Variants in KRT35 observed in about 807,000 individuals in gnomAD.
The protein encoded by KRT35 is keratin 35, also known as keratin, type I cuticular Ha5.
In KRT35, 33 loss-of-function variants were observed where a neutral mutation model predicts 42.2. The observed-to-expected ratio is 0.78, with a 90% CI of 0.59 to 1.05. The LOEUF is 1.05. KRT35 is among the 50% of genes least tolerant of loss of function. The pLI, the probability that KRT35 is intolerant of heterozygous loss-of-function variation, is 0.00. For synonymous variants in KRT35, 218 were observed against 238.2 expected (o/e 0.92, Z 0.78); for missense variants, 585 against 589.2 (o/e 0.99, Z 0.07).
chr17:41,478,274 G>A (rs756208470), intron 5 of KRT35, 87 bp downstream of exon 5: 8 of 1,470,378 alleles, frequency 5.4e-6, no homozygotes, highest in South Asian at 2.5e-5. Context: ...CCTGGAGTCC[G>A]CCTGTGTGGT....
intron 6 of KRT35, 106 bp downstream of exon 6, chr17:41,477,412 C>T (rs998093960): frequency 6.8e-7 from 1 of 1,481,094 alleles, no homozygotes; most frequent in African/African-American, 1.4e-5. Flanking sequence ...ACTAAGAGAA[C>T]AGAACTCCAG....
In KRT35 at chr17:41,476,751, C is replaced by T. The variant is rs1034043397; in HGVS notation, c.*305G>A. 5.5e-5 allele frequency: 16 copies of T among 289,298 alleles called. No homozygotes were observed. Among genetic ancestry groups the T allele is most frequent in the African/African-American group, 3.3e-4 (15 of 45,718 alleles). 17.9% of individuals were successfully genotyped at this position (289,298 alleles called of 1,614,324 possible). A position where few individuals can be genotyped will look rare whatever the true frequency, so the allele number is the denominator to read the frequency against. On this transcript the variant is annotated 3_prime_UTR_variant, in exon 7 of 7. Coordinates refer to ENST00000246639, the MANE Select transcript of KRT35 (RefSeq NM_002280.6). ...CTTTATTGTTCTGCCAACAAAAGCCCTCTACTGCATTTCAGAATCCACCGG... is the reference window on the plus strand; with the variant it reads ...CTTTATTGTTCTGCCAACAAAAGCCTTCTACTGCATTTCAGAATCCACCGG...
chr17:41,478,305 G>C, intron 5 of KRT35, 56 bp downstream of exon 5: 1 of 1,584,806 alleles, frequency 6.3e-7, no homozygotes, highest in Admixed American at 1.7e-5. Context: ...AAGCTGGGGA[G>C]CTTGTGTGCT....
Position 41,478,982 on chromosome 17 carries a change from A to G in KRT35, c.725T>C (p.Leu242Pro). 1 of 1,613,288 alleles carries G rather than the reference A, an allele frequency of 6.2e-7. No individual in the cohort carries two copies. Among genetic ancestry groups the G allele is most frequent in the Non-Finnish European group, 8.5e-7 (1 of 1,179,518 alleles). Residue 242 changes from leucine to proline, a missense_variant, in exon 4 of 7, where the codon CTG becomes CCG. By Grantham distance (98) the Leu-to-Pro change is moderately conservative. Transcript: ENST00000246639. Reference protein sequence around the residue: ...KKNHEEEVNSLRCQLGDRLNV... With the variant: ...KKNHEEEVNSPRCQLGDRLNV... ...GAGGCGGTCACCAAGTTGGCAGCGC[A>G]GTGAGTTCACTTCCTATAGCACAGA...
In KRT35 at chr17:41,477,121, T is replaced by A. The variant is rs1275596431; in HGVS notation, c.1303A>T (p.Ser435Cys). The A allele has an allele frequency of 6.2e-7, 1 of 1,612,056 alleles. No individual in the cohort carries two copies. Among genetic ancestry groups the A allele is most frequent in the Non-Finnish European group, 8.5e-7 (1 of 1,179,176 alleles). ...PCLPAASCGP[S>C]AARTNCSPRP... ...GGGCTGCAGTTTGTGCGGGCTGCACTAGGACCGCAGGAGGCCGCAGGAAGA... is the reference window on the plus strand; with the variant it reads ...GGGCTGCAGTTTGTGCGGGCTGCACAAGGACCGCAGGAGGCCGCAGGAAGA... The change falls in exon 7 of 7, where the codon AGT becomes TGT. Residue 435 changes from serine to cysteine, a missense_variant. By Grantham distance (112) the Ser-to-Cys change is moderately radical. Coordinates refer to ENST00000246639, the MANE Select transcript of KRT35 (RefSeq NM_002280.6).
rs1166235928 is a variant in KRT35 at position 41,478,385 on chromosome 17, A to G, written c.975T>C (p.Ile325=). 6.2e-7 allele frequency: 1 copy of G among 1,613,764 alleles called. No individual in the cohort carries two copies. The highest frequency in any genetic ancestry group is 1.1e-5 in the South Asian group (1 of 91,062). Residue 325 remains isoleucine (I), a synonymous_variant, in exon 5 of 7, where the codon ATT becomes ATC. Transcript: ENST00000246639. ...CCATGCTGTGCTGAGCCTGCAGCTC[A>G]ATCTCCAGGGCGTTGACCGTGCGTC... ...ELRRTVNALE[I]ELQAQHSMRD...
chr17:41,478,774 G>T (rs1431046893), intron 4 of KRT35, 60 bp downstream of exon 4: 3 of 1,505,156 alleles, frequency 2.0e-6, no homozygotes, highest in Non-Finnish European at 2.7e-6. Context: ...AGAGCCCCAG[G>T]GTCACTTCCA....
chr17:41,481,113 G>T lies in KRT35; in HGVS notation c.-16C>A. On this transcript the variant is annotated 5_prime_UTR_variant, in exon 1 of 7. It adds an upstream start codon to the 5' untranslated region. Transcript: ENST00000246639. The stretch of plus-strand genomic sequence containing the variant: ...TGGAAGCCATGGCCCCTGCAACTCA[G>T]ATGCAATTGATAGGTCTCTGAGGCC... 1 of 1,567,474 alleles carries T rather than the reference G, an allele frequency of 6.4e-7. No homozygotes were observed. Among genetic ancestry groups the T allele is most frequent in the Non-Finnish European group, 8.7e-7 (1 of 1,153,158 alleles).
Position 41,478,819 on chromosome 17 carries a change from T to A in KRT35, c.873+15A>T. The A allele has an allele frequency of 6.2e-7, 1 of 1,608,920 alleles. No homozygotes were observed. The highest frequency in any genetic ancestry group is 1.7e-4 in the Middle Eastern group (1 of 6,030). ...CCACATACCCCTGTTGCACTGACTG[T>A]TTCCAGGTACCTACCTGGGTGTCCA... On this transcript the variant is annotated intron_variant, in intron 4 of 6. Transcript: ENST00000246639.
At position 41,478,882 on chromosome 17, in the gene KRT35, G is replaced by C; in HGVS notation, c.825C>G (p.Thr275=). Reference sequence around the variant, plus strand: ...CATCCCGGCGGTTATTCTCCACCAGGGTTTCATACTGGCACCTCATCTCCT... The same window carrying C: ...CATCCCGGCGGTTATTCTCCACCAGCGTTTCATACTGGCACCTCATCTCCT... ...VLEEMRCQYE[T]LVENNRRDAE... The change falls in exon 4 of 7, where the codon ACC becomes ACG. Residue 275 remains threonine, a synonymous_variant. Transcript: ENST00000246639. 3 of 1,613,910 alleles carry C rather than the reference G, an allele frequency of 1.9e-6. No homozygotes were observed. Among genetic ancestry groups the C allele is most frequent in the Non-Finnish European group, 2.5e-6 (3 of 1,179,928 alleles).
chr17:41,479,131 C>G, intron 3 of KRT35, 136 bp from the exon 4 acceptor site: 1 of 992,050 alleles, frequency 1.0e-6, no homozygotes, highest in East Asian at 2.6e-5. Flanking sequence ...GCTCCCCATG[C>G]CCACCTCCTC....
chr17:41,478,408 G>C lies in KRT35; in HGVS notation c.952C>G (p.Arg318Gly). Residue 318 changes from arginine to glycine, a missense_variant, in exon 5 of 7, where the codon CGC becomes GGC. Physicochemically the swap from Arg to Gly is moderately radical, Grantham distance 125. Transcript: ENST00000246639. Reference sequence around the variant, plus strand: ...TCAATCTCCAGGGCGTTGACCGTGCGTCTCAGCTCGATGATCTCTGCCTGG... The same window carrying C: ...TCAATCTCCAGGGCGTTGACCGTGCCTCTCAGCTCGATGATCTCTGCCTGG... ...SCQAEIIELR[R>G]TVNALEIELQ... 2 of 1,614,094 alleles carry C rather than the reference G, an allele frequency of 1.2e-6. No homozygotes were observed. The highest frequency in any genetic ancestry group is 1.7e-6 in the Non-Finnish European group (2 of 1,179,980).
At chr17:41,479,221 C>A in intron 3 of KRT35, 126 bp downstream of exon 3, 1 of 1,153,504 alleles carries the variant, frequency 8.7e-7, no homozygotes, top group Non-Finnish European at 1.2e-6. Context: ...TCCCTATGCA[C>A]ACCTGCTCCC....
In KRT35 at chr17:41,479,003, A is replaced by C. The variant is rs911732624; in HGVS notation, c.712-8T>G. The C allele has an allele frequency of 6.2e-7, 1 of 1,609,274 alleles. No homozygotes were observed. Among genetic ancestry groups the C allele is most frequent in the Non-Finnish European group, 8.5e-7 (1 of 1,177,278 alleles). On this transcript the variant is annotated splice_polypyrimidine_tract_variant and splice_region_variant and intron_variant, in intron 3 of 6. Coordinates refer to ENST00000246639, the MANE Select transcript of KRT35 (RefSeq NM_002280.6). The stretch of plus-strand genomic sequence containing the variant: ...GCGCAGTGAGTTCACTTCCTATAGC[A>C]CAGACCAGGATGAGTACTAATTCCC...
intron 1 of KRT35, 55 bp downstream of exon 1, chr17:41,480,572 T>C: frequency 2.2e-6 from 3 of 1,374,710 alleles, no homozygotes; most frequent in Non-Finnish European, 3.1e-6. Context: ...GAACTACCAA[T>C]GAATGCTGGT....
At chr17:41,478,234 G>A (rs2019205535) in intron 5 of KRT35, 127 bp downstream of exon 5, 1 of 1,008,246 alleles carries the variant, frequency 9.9e-7, no homozygotes, top group Non-Finnish European at 1.4e-6. Context: ...TTTCTGCATA[G>A]AGAACCCCTG....
At chr17:41,479,247 C>A in intron 3 of KRT35, 100 bp downstream of exon 3, 2 of 1,296,730 alleles carry the variant, frequency 1.5e-6, no homozygotes, top group South Asian at 1.4e-5. Context: ...TTCACCTCCC[C>A]CTATGCTCAC....
chr17:41,479,613 CAG>C, intron 2 of KRT35, 84 bp downstream of exon 2: 1 of 1,564,046 alleles, frequency 6.4e-7, no homozygotes, highest in Non-Finnish European at 8.8e-7. Flanking sequence ...GCCCCAATGA[CAG>C]AGTACAGCCA....
In KRT35 at chr17:41,481,073, C is replaced by T. The variant is rs1223911464; in HGVS notation, c.25G>A (p.Gly9Ser). The change falls in exon 1 of 7, where the codon GGC becomes AGC. Residue 9 changes from glycine to serine, a missense_variant. Physicochemically the swap from Gly to Ser is moderately conservative, Grantham distance 56. Transcript: ENST00000246639. ...CTCTTGAGAGACCCAGAAGAGAAGCCGGCCTTGAGGCATTTGGAAGCCATG... is the reference window on the plus strand; with the variant it reads ...CTCTTGAGAGACCCAGAAGAGAAGCTGGCCTTGAGGCATTTGGAAGCCATG... MASKCLKAGFSSGSLKSPG... is the reference protein window; with the variant it reads MASKCLKASFSSGSLKSPG... The T allele has an allele frequency of 4.3e-6, 7 of 1,611,136 alleles. No individual in the cohort carries two copies. Among genetic ancestry groups the T allele is most frequent in the African/African-American group, 2.7e-5 (2 of 74,660 alleles).
Sources: gnomAD v4.1 joint callset for allele counts on GRCh38, gnomAD v4.1.1 for gene constraint, MANE v1.5 for transcripts, NCBI Gene and HGNC (gene_info 2026-07-23, HGNC 2026-07-21) for gene names.